The following RGL2 variants were observed in gnomAD, a reference collection of about 807,000 sequenced individuals.
RGL2 encodes the protein ral guanine nucleotide dissociation stimulator like 2, also known as ral guanine nucleotide dissociation stimulator-like 2.
In RGL2, 40 loss-of-function variants were observed where a neutral mutation model predicts 84.6. That is an observed-to-expected ratio of 0.47 (90% CI 0.37 to 0.62). RGL2 has a LOEUF of 0.62. RGL2 is among the 20% of genes least tolerant of loss of function. The probability of loss-of-function intolerance (pLI) is 0.00; values close to 1 mark genes in which losing one functional copy is unlikely to be tolerated. For synonymous variants in RGL2, 369 were observed against 417.3 expected (o/e 0.88, Z 1.41); for missense variants, 865 against 1,019.7 (o/e 0.85, Z 2.07).
In RGL2 at chr6:33,293,215, G is replaced by A. The variant is rs1317434824; in HGVS notation, c.1808C>T (p.Pro603Leu). The change falls in exon 16 of 18, where the codon CCA (proline) becomes CTA (leucine). Residue 603 changes from proline to leucine, a missense_variant. Pro to Leu is a moderately conservative substitution (Grantham distance 98, BLOSUM62 -3). Transcript: ENST00000497454. This position sits in a 1 kb window ranked among gnomAD's most constrained non-coding sequence, Gnocchi z 7.0. The stretch of plus-strand genomic sequence containing the variant: ...AGAAGGCCTAGGGGAGGAGGCTGGT[G>A]GGGAGAGGTGGCTGGGGTCAGCTGG... Reference protein sequence around the residue: ...HSPADPSHLSPPASSPRPSRG... With the variant: ...HSPADPSHLSLPASSPRPSRG... 2 of 1,565,500 alleles carry A rather than the reference G, an allele frequency of 1.3e-6. No individual in the cohort carries two copies. The highest frequency in any genetic ancestry group is 1.7e-6 in the Non-Finnish European group (2 of 1,158,632).
At position 33,295,868 on chromosome 6, in the gene RGL2, T is replaced by G; in HGVS notation, c.769-109A>C. 4.8e-6 allele frequency: 7 copies of G among 1,465,946 alleles called. No individual in the cohort carries two copies. The highest frequency in any genetic ancestry group is 6.6e-6 in the Non-Finnish European group (7 of 1,067,988). The allele number at this position is 1,465,946 out of a possible 1,614,324, so 90.8% of individuals were successfully genotyped here. On this transcript the variant is annotated intron_variant, in intron 6 of 17. Transcript: ENST00000497454. This position sits in a 1 kb window ranked among gnomAD's most constrained non-coding sequence, Gnocchi z 7.2. ...CCAAGGAACCAGAGGGGCACAGGGT[T>G]TGAAGGGTAACGACCAAAGGGAAAA... is the stretch of plus-strand genomic sequence containing the variant.
chr6:33,294,505 T>C lies in RGL2; in HGVS notation c.1353+183A>G, dbSNP rs753726373. On this transcript the variant is annotated intron_variant, in intron 11 of 17. Transcript: ENST00000497454. This position sits in a 1 kb window ranked among gnomAD's most constrained non-coding sequence, Gnocchi z 5.0. ...ATTTAACCCTTATAACAGATCAATG[T>C]AGATGCTATTTCTAGTTTCCCATTT... Among the ~76,000 whole-genome samples the C allele has an allele frequency of 3.3e-5, 5 of 152,214 alleles. No homozygotes were observed. The highest frequency in any genetic ancestry group is 7.3e-5 in the Non-Finnish European group (5 of 68,038).
At position 33,293,002 on chromosome 6, in the gene RGL2, C is replaced by G. The variant is rs1767567694; in HGVS notation, c.2007+14G>C. 1 of 1,613,974 alleles carries G rather than the reference C, an allele frequency of 6.2e-7. No homozygotes were observed. Among genetic ancestry groups the G allele is most frequent in the Admixed American group, 1.7e-5 (1 of 59,996 alleles). Reference sequence around the variant, plus strand: ...ACCATCCTTCACCCCAACTCCATCCCAAGGCTCCCTCACCAAAATGCTCTT... The same window carrying G: ...ACCATCCTTCACCCCAACTCCATCCGAAGGCTCCCTCACCAAAATGCTCTT... On this transcript the variant is annotated intron_variant, in intron 16 of 17. Transcript: ENST00000497454. The surrounding 1 kb of genome is among the most constrained non-coding windows in gnomAD (Gnocchi z 7.0).
At position 33,294,905 on chromosome 6, in the gene RGL2, G is replaced by T. The variant is rs1417820164; in HGVS notation, c.1278+72C>A. ...GCCTCCCTTACCCATCCTTCAGGCTGCTCCCCCAAAACATACTCCTCACCC... is the reference window on the plus strand; with the variant it reads ...GCCTCCCTTACCCATCCTTCAGGCTTCTCCCCCAAAACATACTCCTCACCC... On this transcript the variant is annotated intron_variant, in intron 10 of 17. Coordinates refer to ENST00000497454, the MANE Select transcript of RGL2 (RefSeq NM_004761.5). The surrounding 1 kb of genome is among the most constrained non-coding windows in gnomAD (Gnocchi z 5.0). 1 of 1,512,714 alleles carries T rather than the reference G, an allele frequency of 6.6e-7. No homozygotes were observed. The highest frequency in any genetic ancestry group is 1.4e-5 in the African/African-American group (1 of 72,302). 93.7% of individuals were successfully genotyped at this position (1,512,714 alleles called of 1,614,324 possible). A position where few individuals can be genotyped will look rare whatever the true frequency, so the allele number is the denominator to read the frequency against.
intron 17 of RGL2, 31 bp from the exon 18 acceptor site, chr6:33,292,344 A>C (rs774343150): frequency 3.7e-6 from 6 of 1,610,548 alleles, no homozygotes; most frequent in Non-Finnish European, 5.1e-6. Context: ...TGTAAAGCAC[A>C]CACACAGTTG....
In RGL2 at chr6:33,294,912, C is replaced by CA; in HGVS notation, c.1278+64dup. ...TTACCCATCCTTCAGGCTGCTCCCC[C>CA]AAAACATACTCCTCACCCCTTCATA... On this transcript the variant is annotated intron_variant, in intron 10 of 17. Transcript: ENST00000497454. This position sits in a 1 kb window ranked among gnomAD's most constrained non-coding sequence, Gnocchi z 5.0. The CA allele has an allele frequency of 2.0e-6, 3 of 1,529,214 alleles. No homozygotes were observed. The highest frequency in any genetic ancestry group is 1.2e-5 in the South Asian group (1 of 83,422). The allele number at this position is 1,529,214 out of a possible 1,614,324, so 94.7% of individuals were successfully genotyped here.
rs762172464 is a variant in RGL2 at position 33,294,043 on chromosome 6, C to G, written c.1377G>C (p.Lys459Asn). The part of the protein sequence containing the change: ...ELENGYINFD[K>N]RRKEFAVLSE... ...CAGACACTCCGCTCACCTTCCTCCGCTTGTCAAAATTGATGTATCCATTCT... is the reference window on the plus strand; with the variant it reads ...CAGACACTCCGCTCACCTTCCTCCGGTTGTCAAAATTGATGTATCCATTCT... The change falls in exon 12 of 18, where the codon AAG becomes AAC. Residue 459 changes from lysine to asparagine, a missense_variant. This residue lies in a region of RGL2 where 75 missense variants were observed against 130.8 expected (regional missense o/e 0.57). Transcript: ENST00000497454. The surrounding 1 kb of genome is among the most constrained non-coding windows in gnomAD (Gnocchi z 5.0). 6.2e-7 allele frequency: 1 copy of G among 1,613,438 alleles called. No individual in the cohort carries two copies. Among genetic ancestry groups the G allele is most frequent in the South Asian group, 1.1e-5 (1 of 91,072 alleles).
chr6:33,295,964 T>A lies in RGL2; in HGVS notation c.768+64A>T, dbSNP rs1767904973. On this transcript the variant is annotated intron_variant, in intron 6 of 17. Transcript: ENST00000497454. This position sits in a 1 kb window ranked among gnomAD's most constrained non-coding sequence, Gnocchi z 7.2. The stretch of plus-strand genomic sequence containing the variant: ...GGAAGGGGTGGAAGCAAGGAAAGGA[T>A]CTGGAGTCAAGGAGAGGTTAGTAAG... 2.0e-5 allele frequency: 31 copies of A among 1,580,938 alleles called. 1 individual carries two copies. The South Asian group carries it at 3.3e-4, about 17-fold the overall frequency.
rs754581795 is a variant in RGL2 at position 33,295,416 on chromosome 6, G to C, written c.1027C>G (p.Arg343Gly). Residue 343 changes from arginine to glycine, a missense_variant, in exon 8 of 18, where the codon CGG becomes GGG. By Grantham distance (125) the Arg-to-Gly change is moderately radical. Around this residue, in one of 5 missense-constraint regions of RGL2, gnomAD observed 455 missense variants for 507.8 expected, o/e 0.90. Coordinates refer to ENST00000497454, the MANE Select transcript of RGL2 (RefSeq NM_004761.5). The surrounding 1 kb of genome is among the most constrained non-coding windows in gnomAD (Gnocchi z 7.2). ...EKWIRVAEEC[R>G]LLRNFSSVYA... is the part of the protein sequence containing the mutation. ...ACTGAAGAGAAGTTTCGGAGCAGCC[G>C]GCACTCCTGTGGGGGTCAAAGAAGA... The C allele has an allele frequency of 6.2e-7, 1 of 1,612,370 alleles. No homozygotes were observed. The highest frequency in any genetic ancestry group is 8.5e-7 in the Non-Finnish European group (1 of 1,179,822).
chr6:33,293,431 C>T lies in RGL2; in HGVS notation c.1698G>A (p.Leu566=), dbSNP rs1307695646. 2 of 1,613,916 alleles carry T rather than the reference C, an allele frequency of 1.2e-6. No homozygotes were observed. The highest frequency in any genetic ancestry group is 2.2e-5 in the South Asian group (2 of 91,056). The change falls in exon 15 of 18, where the codon CTG becomes CTA. Residue 566 remains leucine (L), a synonymous_variant. Transcript: ENST00000497454. This position sits in a 1 kb window ranked among gnomAD's most constrained non-coding sequence, Gnocchi z 7.0. The stretch of plus-strand genomic sequence containing the variant: ...AGCTCACCTGGGCCAGCCGAGTCAG[C>T]AGAGGAGCAGGAGTTGTAGGCGCCT... ...GDEAPTTPAP[L]LTRLAQHMKW... is the part of the protein sequence containing the mutation.
rs1448907300 is a variant in RGL2 at position 33,296,379 on chromosome 6, G to A, written c.470+35C>T. The A allele has an allele frequency of 3.7e-6, 6 of 1,606,334 alleles. No homozygotes were observed. In the Admixed American group the frequency reaches 6.8e-5, roughly 18 times the overall value. ...GAGGTAAAGCTGCAGCCTGGGCAGA[G>A]GGGACTGTGAGATTAAGAACCAGGG... On this transcript the variant is annotated intron_variant, in intron 5 of 17. Coordinates refer to ENST00000497454, the MANE Select transcript of RGL2 (RefSeq NM_004761.5). This position sits in a 1 kb window ranked among gnomAD's most constrained non-coding sequence, Gnocchi z 5.0.
chr6:33,295,814 A>G lies in RGL2; in HGVS notation c.769-55T>C. On this transcript the variant is annotated intron_variant, in intron 6 of 17. Transcript: ENST00000497454. The surrounding 1 kb of genome is among the most constrained non-coding windows in gnomAD (Gnocchi z 7.2). The stretch of plus-strand genomic sequence containing the variant: ...CATAGTCAAGTGAGGTCAGCCTTCC[A>G]ATATCAGGGATCTGAGGATCTCAGG... The G allele has an allele frequency of 6.4e-7, 1 of 1,572,402 alleles. No homozygotes were observed. The highest frequency in any genetic ancestry group is 8.7e-7 in the Non-Finnish European group (1 of 1,152,480).
chr6:33,298,570 G>C lies in RGL2; in HGVS notation c.41C>G (p.Pro14Arg). ...RPLRLLLDTS[P>R]PGGVVLSSFR... ...GCTGCTCAGTACGACTCCCCCGGGG[G>C]GGCTCGTGTCCAAAAGCAGCCGCAG... Residue 14 changes from proline to arginine, a missense_variant, in exon 2 of 18, where the codon CCC (proline) becomes CGC (arginine). This residue lies in a region of RGL2 where 23 missense variants were observed against 22.7 expected (regional missense o/e 1.01). Coordinates refer to ENST00000497454, the MANE Select transcript of RGL2 (RefSeq NM_004761.5). The surrounding 1 kb of genome is among the most constrained non-coding windows in gnomAD (Gnocchi z 4.8). The C allele has an allele frequency of 6.8e-7, 1 of 1,470,078 alleles. No homozygotes were observed. Among genetic ancestry groups the C allele is most frequent in the South Asian group, 1.3e-5 (1 of 75,922 alleles). The allele number at this position is 1,470,078 out of a possible 1,614,324, so 91.1% of individuals were successfully genotyped here.
Position 33,293,138 on chromosome 6 carries a change from C to T in RGL2, c.1885G>A (p.Glu629Lys). 1 of 1,612,516 alleles carries T rather than the reference C, an allele frequency of 6.2e-7. No individual in the cohort carries two copies. The highest frequency in any genetic ancestry group is 8.5e-7 in the Non-Finnish European group (1 of 1,179,238). Residue 629 changes from glutamate (E) to lysine (K), a missense_variant, in exon 16 of 18, where the codon GAA becomes AAA. Physicochemically the swap from Glu to Lys is moderately conservative, Grantham distance 56. Coordinates refer to ENST00000497454, the MANE Select transcript of RGL2 (RefSeq NM_004761.5). The surrounding 1 kb of genome is among the most constrained non-coding windows in gnomAD (Gnocchi z 7.0). ...TATCCAGTCCCCCCGGAGGCCTCTT[C>T]TGCACCCCCACTCAGCGGGGAGCCA... ...SCGSPLSGGA[E>K]EASGGTGYGG...
Position 33,294,223 on chromosome 6 carries a change from A to C in RGL2, c.1354-157T>G, listed in dbSNP as rs1246578790. 6.6e-6 allele frequency among the ~76,000 whole-genome samples: 1 copy of C among 151,788 alleles called. No homozygotes were observed. Among genetic ancestry groups the C allele is most frequent in the Non-Finnish European group, 1.5e-5 (1 of 67,958 alleles). ...TCGATCCCTCCCTGCCTTCCTCCTC[A>C]ATCTATCATGGCCTAAGCACTCCAC... On this transcript the variant is annotated intron_variant, in intron 11 of 17. Coordinates refer to ENST00000497454, the MANE Select transcript of RGL2 (RefSeq NM_004761.5). This position sits in a 1 kb window ranked among gnomAD's most constrained non-coding sequence, Gnocchi z 5.0.
chr6:33,296,582 C>T lies in RGL2; in HGVS notation c.419+16G>A. 2 of 1,608,794 alleles carry T rather than the reference C, an allele frequency of 1.2e-6. No homozygotes were observed. Among genetic ancestry groups the T allele is most frequent in the Non-Finnish European group, 1.7e-6 (2 of 1,177,176 alleles). ...GGGCAGATACTCCACTACCCTGCGTCCCTTATGACTCTGACCTGTCAGCCA... is the reference window on the plus strand; with the variant it reads ...GGGCAGATACTCCACTACCCTGCGTTCCTTATGACTCTGACCTGTCAGCCA... On this transcript the variant is annotated intron_variant, in intron 4 of 17. Coordinates refer to ENST00000497454, the MANE Select transcript of RGL2 (RefSeq NM_004761.5). The surrounding 1 kb of genome is among the most constrained non-coding windows in gnomAD (Gnocchi z 5.0).
upstream of RGL2, chr6:33,301,018 G>A (rs1768535174): frequency 6.6e-6 from 1 of 151,934 alleles, no homozygotes; most frequent in Admixed American, 6.6e-5. Context: ...AGTGTACAGT[G>A]GAGTTTTTCA....
chr6:33,293,896 C>T lies in RGL2; in HGVS notation c.1407G>A (p.Glu469=), dbSNP rs1298683018. The T allele has an allele frequency of 1.9e-6, 3 of 1,614,120 alleles. No individual in the cohort carries two copies. The highest frequency in any genetic ancestry group is 2.5e-6 in the Non-Finnish European group (3 of 1,180,026). ...KRRKEFAVLS[E]LRRLQNECRG... ...GACATTCATTCTGGAGCCGTCGCAA[C>T]TCAGAAAGGACTGCAAACTCCTGGG... Residue 469 remains glutamate (E), a synonymous_variant, in exon 13 of 18, where the codon GAG becomes GAA. Transcript: ENST00000497454. This position sits in a 1 kb window ranked among gnomAD's most constrained non-coding sequence, Gnocchi z 7.0.
rs1237069299 is a variant in RGL2, at chr6:33,295,133, G to A, written c.1203C>T (p.Leu401=). 8 of 1,607,180 alleles carry A rather than the reference G, an allele frequency of 5.0e-6. No individual in the cohort carries two copies. Among genetic ancestry groups the A allele is most frequent in the Admixed American group, 1.7e-5 (1 of 59,230 alleles). The part of the protein sequence containing the change: ...EDNYSQSREL[L]VQEVKLQSPL... ...CCACAAACCAGGCTCTCACCTGCAC[G>A]AGCAGCTCCCGACTCTGGGAATAAT... The change falls in exon 9 of 18, where the codon CTC becomes CTT. Residue 401 remains leucine, a synonymous_variant. Coordinates refer to ENST00000497454, the MANE Select transcript of RGL2 (RefSeq NM_004761.5). The surrounding 1 kb of genome is among the most constrained non-coding windows in gnomAD (Gnocchi z 7.2).
Sources: allele counts gnomAD v4.1 joint callset (sites outside exome capture counted in the v4.1 genomes callset), GRCh38; gene constraint gnomAD v4.1.1; regional missense constraint gnomAD v4.1.1; non-coding constraint Gnocchi (gnomAD v3.1); transcripts MANE v1.5; gene names NCBI Gene and HGNC (gene_info 2026-07-23, HGNC 2026-07-21).